The following CLECL1 variants were observed in gnomAD, a reference collection of about 807,000 sequenced individuals.
CLECL1 encodes the protein C-type lectin-like domain family 1.
intron 2 of CLECL1, among the ~76,000 whole-genome samples, chr12:9,728,391 T>A (rs1320464825): frequency 1.3e-5 from 2 of 151,780 alleles, no homozygotes; most frequent in Non-Finnish European, 3.0e-5. Context: ...TAATCTCTAA[T>A]TCTTATGTTG....
the CLECL1 span, among the ~76,000 whole-genome samples, chr12:9,710,833 A>T: frequency 6.6e-6 from 1 of 152,124 alleles, no homozygotes; most frequent in African/African-American, 2.4e-5. Context: ...GAGCAGCCTG[A>T]CTTCAGGGGA....
At chr12:9,707,113 T>C in the CLECL1 span, among the ~76,000 whole-genome samples, 2 of 152,194 alleles carry the variant, frequency 1.3e-5, no homozygotes, top group Non-Finnish European at 2.9e-5. Context: ...AATTTATCCA[T>C]TTCTTCTAGA....
downstream of CLECL1, among the ~76,000 whole-genome samples, chr12:9,717,854 G>C (rs1158219108): frequency 6.6e-6 from 1 of 151,642 alleles, no homozygotes; most frequent in Non-Finnish European, 1.5e-5. Flanking sequence ...GGTTTAGCTT[G>C]CTCTTCTTTT....
the CLECL1 span, among the ~76,000 whole-genome samples, chr12:9,710,285 A>T: frequency 5.9e-5 from 9 of 152,162 alleles, no homozygotes; most frequent in Admixed American, 2.6e-4. Flanking sequence ...AGAGCCTCAG[A>T]TGATGGCTCC....
intron 3 of CLECL1, among the ~76,000 whole-genome samples, chr12:9,723,125 A>G (rs1866334669): frequency 6.6e-6 from 1 of 152,212 alleles, no homozygotes; most frequent in African/African-American, 2.4e-5. Context: ...TCAAGGAACT[A>G]AAAACTTTAA....
chr12:9,708,116 G>T, the CLECL1 span, among the ~76,000 whole-genome samples: 1 of 152,158 alleles, frequency 6.6e-6, no homozygotes, highest in Admixed American at 6.5e-5. Flanking sequence ...AACCAGGACT[G>T]TACAAGGTGC....
At chr12:9,715,429 G>A (rs1056709531), downstream of CLECL1, among the ~76,000 whole-genome samples, 2 of 152,184 alleles carry the variant, frequency 1.3e-5, no homozygotes, top group African/African-American at 4.8e-5. Flanking sequence ...AGGGGTCATA[G>A]CACACATCGG....
intron 1 of CLECL1, among the ~76,000 whole-genome samples, chr12:9,730,644 A>G (rs990849565): frequency 6.6e-6 from 1 of 152,180 alleles, no homozygotes; most frequent in South Asian, 2.1e-4. Flanking sequence ...AGTCAGTCAC[A>G]GAAAGAATGT....
intron 3 of CLECL1, among the ~76,000 whole-genome samples, chr12:9,725,412 C>G (rs747605419): frequency 6.6e-6 from 1 of 151,830 alleles, no homozygotes; most frequent in Non-Finnish European, 1.5e-5. Flanking sequence ...ATAATTATTG[C>G]GAAAGATAGA....
upstream of CLECL1, among the ~76,000 whole-genome samples, chr12:9,733,549 A>G (rs1391790147): frequency 6.6e-6 from 1 of 152,218 alleles, no homozygotes; most frequent in Non-Finnish European, 1.5e-5. Context: ...TATTGTCTAG[A>G]TAATACCTTA....
At chr12:9,712,054 C>G (rs1217052366), downstream of CLECL1, among the ~76,000 whole-genome samples, 1 of 152,104 alleles carries the variant, frequency 6.6e-6, no homozygotes, top group Non-Finnish European at 1.5e-5. Flanking sequence ...TCCAGATATT[C>G]TCTACCTTTT....
At chr12:9,718,623 A>C (rs991514205), downstream of CLECL1, 6 of 641,854 alleles carry the variant, frequency 9.3e-6, no homozygotes, top group Admixed American at 1.5e-4. Flanking sequence ...ACAACCTTTA[A>C]AGATGTAATT....
chr12:9,724,565 A>T (rs1866355951), intron 3 of CLECL1, among the ~76,000 whole-genome samples: 2 of 152,202 alleles, frequency 1.3e-5, no homozygotes, highest in South Asian at 4.1e-4. Context: ...ATAGTAAAAC[A>T]TTTTATATAA....
chr12:9,715,632 G>A (rs1017285996), downstream of CLECL1, among the ~76,000 whole-genome samples: 4 of 152,250 alleles, frequency 2.6e-5, no homozygotes, highest in South Asian at 4.2e-4. Flanking sequence ...TACCACACAG[G>A]TCTAGCTCTC....
chr12:9,716,010 C>T (rs1866235444), exon 3 of CLECL1: 1 of 152,352 alleles, frequency 6.6e-6, no homozygotes, highest in Non-Finnish European at 1.5e-5. Context: ...TATCTTCTGC[C>T]TTCAAAGACT....
At chr12:9,712,350 A>G (rs1433935749), downstream of CLECL1, among the ~76,000 whole-genome samples, 1 of 152,216 alleles carries the variant, frequency 6.6e-6, no homozygotes, top group East Asian at 1.9e-4. Context: ...TAAAACGTGA[A>G]GGTTTCCCTG....
chr12:9,708,598 C>G, the CLECL1 span, among the ~76,000 whole-genome samples: 1 of 152,226 alleles, frequency 6.6e-6, no homozygotes, highest in South Asian at 2.1e-4. Flanking sequence ...GGCCTTGCTT[C>G]GTGACATAAA....
At chr12:9,722,710 GT>G in exon 4 of CLECL1, 1 of 1,613,706 alleles carries the variant, frequency 6.2e-7, no homozygotes, top group Non-Finnish European at 8.5e-7. Context: ...TTTGACTTTT[GT>G]TCCAAGATTT....
downstream of CLECL1, chr12:9,722,543 T>C (rs1866326046): frequency 1.2e-5 from 18 of 1,502,626 alleles, no homozygotes; most frequent in South Asian, 2.2e-4. Flanking sequence ...TAATAACACA[T>C]GAAGTTGAAA....
Sources: gnomAD v4.1 joint callset for allele counts (sites outside exome capture counted in the v4.1 genomes callset) on GRCh38, gnomAD v4.1.1 for gene constraint, MANE v1.5 for transcripts, NCBI Gene and HGNC (gene_info 2026-07-23, HGNC 2026-07-21) for gene names.